The following OGDH variants were observed in gnomAD, a reference collection of about 807,000 sequenced individuals.
OGDH encodes 2-oxoglutarate dehydrogenase complex component E1.
OGDH carries 38 observed loss-of-function variants against 116.6 expected under a neutral mutation model. The ratio of observed to expected loss-of-function variants is 0.33; its 90% CI spans 0.25 to 0.43. OGDH has a LOEUF of 0.43. Among genes scored for constraint, OGDH ranks in the 20% least tolerant of loss-of-function variants. OGDH has a pLI of 1.00. For synonymous variants in OGDH, 488 were observed against 533.3 expected (o/e 0.92, Z 1.17); for missense variants, 825 against 1,357.2 (o/e 0.61, Z 6.16).
chr7:44,665,385 AAAAC>A (rs1375072700), intron 4 of OGDH, among the ~76,000 whole-genome samples: 1 of 152,170 alleles, frequency 6.6e-6, no homozygotes, highest in Non-Finnish European at 1.5e-5. Flanking sequence ...AAAACAAAAC[AAAAC>A]AAACAAAAAA....
At chr7:44,655,990 C>T (rs1482707260) in intron 4 of OGDH, among the ~76,000 whole-genome samples, 1 of 152,096 alleles carries the variant, frequency 6.6e-6, no homozygotes, top group African/African-American at 2.4e-5. Flanking sequence ...TGCTGTTATC[C>T]GCCACTTCTT....
At chr7:44,637,849 G>A (rs922435552) in intron 2 of OGDH, among the ~76,000 whole-genome samples, 14 of 151,374 alleles carry the variant, frequency 9.2e-5, no homozygotes, top group Non-Finnish European at 4.4e-5. Flanking sequence ...TTCATTTTTT[G>A]ACATGGTACA....
intron 10 of OGDH, among the ~76,000 whole-genome samples, chr7:44,689,721 A>T (rs964474223): frequency 6.6e-6 from 1 of 152,018 alleles, no homozygotes; most frequent in African/African-American, 2.4e-5. Flanking sequence ...GGAAATTTCT[A>T]TTCAGATCCT....
At chr7:44,684,167 G>A (rs777360595) in intron 10 of OGDH, among the ~76,000 whole-genome samples, 4 of 152,154 alleles carry the variant, frequency 2.6e-5, no homozygotes, top group African/African-American at 9.7e-5. Context: ...CAAGGCCATC[G>A]CAGCTCATCG....
chr7:44,707,331 C>T lies in OGDH; in HGVS notation c.2739C>T (p.Thr913=), dbSNP rs771964360. 3.1e-6 allele frequency: 5 copies of T among 1,614,134 alleles called. No individual in the cohort carries two copies. Among genetic ancestry groups the T allele is most frequent in the East Asian group, 4.5e-5 (2 of 44,898 alleles). ...FCTGKVYYDL[T]RERKARDMVG... ...CCGGCAAAGTGTATTATGACCTCAC[C>T]CGGGAGCGCAAAGCACGCGACATGG... is the stretch of plus-strand genomic sequence containing the variant. Residue 913 remains threonine, a synonymous_variant, in exon 21 of 23, where the codon ACC becomes ACT. Coordinates refer to ENST00000222673, the MANE Select transcript of OGDH (RefSeq NM_002541.4). This position sits in a 1 kb window ranked among gnomAD's most constrained non-coding sequence, Gnocchi z 5.2.
At chr7:44,638,684 A>G (rs62460464) in intron 2 of OGDH, among the ~76,000 whole-genome samples, 2,072 of 152,318 alleles carry the variant, frequency 0.014, 22 homozygotes, top group Non-Finnish European at 0.022. Context: ...TTTCTCACTC[A>G]GTAAGAGAGC....
intron 5 of OGDH, among the ~76,000 whole-genome samples, chr7:44,669,940 T>G (rs1787362155): frequency 6.6e-6 from 1 of 152,230 alleles, no homozygotes; most frequent in Non-Finnish European, 1.5e-5. Context: ...CTTAAGCTAT[T>G]GATCACGTGA....
In OGDH at chr7:44,675,180, G is replaced by T; in HGVS notation, c.938G>T (p.Gly313Val). Residue 313 changes from glycine to valine, a missense_variant and splice_region_variant, in exon 8 of 23, where the codon GGG (glycine) becomes GTG (valine). This residue lies in a region of OGDH where 171 missense variants were observed against 276.8 expected (regional missense o/e 0.62). Transcript: ENST00000222673. ...CCCTACTCGCCCATACGTTCCAGAG[G>T]GCGGCTGAACGTGCTTGCAAATGTC... ...DYVIMGMPHR[G>V]RLNVLANVIR... The T allele has an allele frequency of 6.2e-7, 1 of 1,613,954 alleles. No homozygotes were observed. The highest frequency in any genetic ancestry group is 1.1e-5 in the South Asian group (1 of 91,074).
At chr7:44,699,548 T>G (rs1194929963) in intron 18 of OGDH, among the ~76,000 whole-genome samples, 1 of 152,090 alleles carries the variant, frequency 6.6e-6, no homozygotes, top group Non-Finnish European at 1.5e-5. Context: ...GGGCAATAGC[T>G]TTCAGAGAAA....
chr7:44,625,110 G>T (rs369878940), intron 2 of OGDH, among the ~76,000 whole-genome samples: 11 of 151,528 alleles, frequency 7.3e-5, no homozygotes, highest in African/African-American at 2.2e-4. Flanking sequence ...TGTTTTTTTT[G>T]GTTTGTTTTT....
chr7:44,612,865 T>TTTTTCTTTTC (rs367833555), intron 1 of OGDH, among the ~76,000 whole-genome samples: 48 of 147,484 alleles, frequency 3.3e-4, no homozygotes, highest in Middle Eastern at 7.0e-3. Flanking sequence ...CTGGCTGTTT[T>TTTTTCTTTTC]TTTTCTTTTC....
chr7:44,637,300 A>G (rs1785713478), intron 2 of OGDH, among the ~76,000 whole-genome samples: 1 of 152,140 alleles, frequency 6.6e-6, no homozygotes, highest in African/African-American at 2.4e-5. Context: ...TCCTCAGAGC[A>G]TCCTTGCTTT....
At chr7:44,677,207 T>C (rs1299802659) in intron 9 of OGDH, among the ~76,000 whole-genome samples, 2 of 152,142 alleles carry the variant, frequency 1.3e-5, no homozygotes, top group Non-Finnish European at 2.9e-5. Context: ...GGGAAACATA[T>C]AAAGAAGGCA....
intron 2 of OGDH, among the ~76,000 whole-genome samples, chr7:44,642,794 C>T (rs1244114236): frequency 1.7e-4 from 25 of 151,348 alleles, no homozygotes; most frequent in African/African-American, 5.6e-4. Context: ...TGGTGGCAGG[C>T]GCCTGTAATC....
In OGDH at chr7:44,697,833, G is replaced by A. The variant is rs777450335; in HGVS notation, c.2358+51G>A. On this transcript the variant is annotated intron_variant, in intron 17 of 22. Coordinates refer to ENST00000222673, the MANE Select transcript of OGDH (RefSeq NM_002541.4). The surrounding 1 kb of genome is among the most constrained non-coding windows in gnomAD (Gnocchi z 6.0). ...GACCTAGGACTTGGGAAGGGCCTGTGTAGGACCCTGACCCCAAAGACTGGC... is the reference window on the plus strand; with the variant it reads ...GACCTAGGACTTGGGAAGGGCCTGTATAGGACCCTGACCCCAAAGACTGGC... 1 of 1,567,140 alleles carries A rather than the reference G, an allele frequency of 6.4e-7. No homozygotes were observed. The highest frequency in any genetic ancestry group is 1.2e-5 in the South Asian group (1 of 84,734).
chr7:44,642,193 A>T (rs1209505044), intron 2 of OGDH, among the ~76,000 whole-genome samples: 1 of 152,224 alleles, frequency 6.6e-6, no homozygotes, highest in Non-Finnish European at 1.5e-5. Flanking sequence ...AGACGGGCAG[A>T]TCAGTTGAGC....
Position 44,624,459 on chromosome 7 carries a change from G to T in OGDH, c.116G>T (p.Cys39Phe). 6.2e-7 allele frequency: 1 copy of T among 1,613,654 alleles called. No individual in the cohort carries two copies. Among genetic ancestry groups the T allele is most frequent in the Non-Finnish European group, 8.5e-7 (1 of 1,179,952 alleles). The change falls in exon 2 of 23, where the codon TGC (cysteine) becomes TTC (phenylalanine). Residue 39 changes from cysteine to phenylalanine, a missense_variant. Physicochemically the swap from Cys to Phe is radical, Grantham distance 205. This residue lies in a region of OGDH where 126 missense variants were observed against 130.4 expected (regional missense o/e 0.97). Transcript: ENST00000222673. ...GCTAGGACATTTCAACAGATTCGGT[G>T]CTATTCTGCACCTGTTGCTGCTGAG... ...AAARTFQQIR[C>F]YSAPVAAEPF...
Position 44,681,643 on chromosome 7 carries a change from G to A in OGDH, c.1207-77G>A, listed in dbSNP as rs1376484773. Reference sequence around the variant, plus strand: ...AAACGTTATTTTTTGAAAAACAAATGATGCATTTCCTCTGTTTACCTTGTG... The same window carrying A: ...AAACGTTATTTTTTGAAAAACAAATAATGCATTTCCTCTGTTTACCTTGTG... On this transcript the variant is annotated intron_variant, in intron 9 of 22. Coordinates refer to ENST00000222673, the MANE Select transcript of OGDH (RefSeq NM_002541.4). 5 of 1,523,642 alleles carry A rather than the reference G, an allele frequency of 3.3e-6. No individual in the cohort carries two copies. The African/African-American group carries it at 4.2e-5, about 13-fold the overall frequency. 94.4% of individuals were successfully genotyped at this position (1,523,642 alleles called of 1,614,324 possible).
At chr7:44,647,563 T>G (rs769796342) in intron 3 of OGDH, 94 bp from the exon 4 acceptor site, 3 of 1,563,630 alleles carry the variant, frequency 1.9e-6, no homozygotes, top group Non-Finnish European at 8.7e-7. Context: ...ATGCTAATTT[T>G]AATGTAATTT....
Sources: gnomAD v4.1 joint callset for allele counts (sites outside exome capture counted in the v4.1 genomes callset) on GRCh38, gnomAD v4.1.1 for gene constraint, gnomAD v4.1.1 regional missense constraint, Gnocchi (gnomAD v3.1) non-coding constraint, MANE v1.5 for transcripts, NCBI Gene and HGNC (gene_info 2026-07-23, HGNC 2026-07-21) for gene names.